Variants in NHSL1 observed in about 807,000 individuals in gnomAD.
The protein encoded by NHSL1 is NHS like 1.
Under a neutral mutation model 95.0 loss-of-function variants are expected in NHSL1, and 48 were observed. That is an observed-to-expected ratio of 0.51 (90% CI 0.40 to 0.64). NHSL1 has a LOEUF of 0.64. Ranked by LOEUF, NHSL1 falls within the 30% of genes least tolerant of loss-of-function variation. The pLI, the probability that NHSL1 is intolerant of heterozygous loss-of-function variation, is 0.00. For synonymous variants in NHSL1, 783 were observed against 833.9 expected (o/e 0.94, Z 1.05); for missense variants, 1,971 against 2,077.7 (o/e 0.95, Z 1.00).
At chr6:138,504,120 AGCTAC>A (rs1343501736), upstream of NHSL1, among the ~76,000 whole-genome samples, 1 of 152,152 alleles carries the variant, frequency 6.6e-6, no homozygotes, top group Non-Finnish European at 1.5e-5. Flanking sequence ...CTGTAGTCCT[AGCTAC>A]TCAGGAAGCT....
At chr6:138,574,675 A>C (rs1412425370), upstream of NHSL1, among the ~76,000 whole-genome samples, 2 of 140,662 alleles carry the variant, frequency 1.4e-5, no homozygotes, top group Non-Finnish European at 1.5e-5. Flanking sequence ...AATAATGCAA[A>C]AAAAAAAAAA....
chr6:138,591,087 T>C (rs12110831), intron 1 of NHSL1, among the ~76,000 whole-genome samples: 4,694 of 152,172 alleles, frequency 0.031, 220 homozygotes, highest in African/African-American at 0.1. Flanking sequence ...AGTGACTGTA[T>C]GGGGCAAGCA....
intron 7 of NHSL1, among the ~76,000 whole-genome samples, chr6:138,428,692 C>G (rs1223351138): frequency 6.6e-6 from 1 of 152,150 alleles, no homozygotes; most frequent in Non-Finnish European, 1.5e-5. Context: ...ATGCAATAGT[C>G]TTTTCAGGGA....
chr6:138,424,588 T>C lies in NHSL1; in HGVS notation c.4314A>G (p.Ala1438=). Residue 1438 remains alanine, a synonymous_variant, in exon 8 of 8, where the codon GCA becomes GCG. Coordinates refer to ENST00000343505, the MANE Select transcript of NHSL1 (RefSeq NM_001144060.2). This position sits in a 1 kb window ranked among gnomAD's most constrained non-coding sequence, Gnocchi z 5.9. ...SRSDTSARMS[A]AEMLKNTDPR... ...GGTCTGTGTTCTTGAGCATCTCTGC[T>C]GCAGACATGCGGGCGCTGGTGTCTG... The C allele has an allele frequency of 6.4e-7, 1 of 1,551,648 alleles. No homozygotes were observed. Among genetic ancestry groups the C allele is most frequent in the Non-Finnish European group, 8.7e-7 (1 of 1,146,962 alleles).
At chr6:138,667,807 T>G (rs1436342846) in intron 1 of NHSL1, among the ~76,000 whole-genome samples, 1 of 152,370 alleles carries the variant, frequency 6.6e-6, no homozygotes, top group Non-Finnish European at 1.5e-5. Flanking sequence ...GAATATCAAG[T>G]GAAGTGCTGA....
chr6:138,665,131 T>C (rs1464079334), intron 1 of NHSL1, among the ~76,000 whole-genome samples: 2 of 152,302 alleles, frequency 1.3e-5, no homozygotes, highest in East Asian at 3.9e-4. Context: ...CCATCTTCTC[T>C]TTTTTTACCC....
At chr6:138,677,476 T>G (rs1785462233) in intron 1 of NHSL1, among the ~76,000 whole-genome samples, 1 of 152,140 alleles carries the variant, frequency 6.6e-6, no homozygotes, top group Non-Finnish European at 1.5e-5. Flanking sequence ...AATCTTGAAA[T>G]AGTGAAGGCC....
chr6:138,475,852 A>G lies in NHSL1; in HGVS notation c.212-2419T>C, dbSNP rs534816023. Among the ~76,000 whole-genome samples, 3 of 152,124 alleles carry G rather than the reference A, an allele frequency of 2.0e-5. No homozygotes were observed. In the East Asian group the frequency reaches 5.8e-4, roughly 29 times the overall value. Reference sequence around the variant, plus strand: ...GTGTCACACGCCTGTAATCCCAGCTACTCCATAGGCTGAGGCAGGAGAATT... The same window carrying G: ...GTGTCACACGCCTGTAATCCCAGCTGCTCCATAGGCTGAGGCAGGAGAATT... On this transcript the variant is annotated intron_variant, in intron 2 of 7. Coordinates refer to ENST00000343505, the MANE Select transcript of NHSL1 (RefSeq NM_001144060.2).
intron 1 of NHSL1, among the ~76,000 whole-genome samples, chr6:138,535,990 A>G (rs1782325299): frequency 6.6e-6 from 1 of 152,148 alleles, no homozygotes; most frequent in Admixed American, 6.5e-5. Flanking sequence ...GTCAAGCAAG[A>G]GACAAAGGAG....
chr6:138,494,042 C>G (rs756897001), intron 2 of NHSL1, among the ~76,000 whole-genome samples: 20 of 152,172 alleles, frequency 1.3e-4, no homozygotes, highest in Non-Finnish European at 2.8e-4. Flanking sequence ...ATTAGATAAT[C>G]TAAGCATTAC....
chr6:138,566,468 G>A (rs532603255), intron 1 of NHSL1, among the ~76,000 whole-genome samples: 67 of 151,536 alleles, frequency 4.4e-4, no homozygotes, highest in Admixed American at 7.9e-4. Context: ...TTTCAAAGAA[G>A]GTTTCCATAA....
At chr6:138,507,155 C>A (rs1295876755) in intron 1 of NHSL1, among the ~76,000 whole-genome samples, 1 of 152,210 alleles carries the variant, frequency 6.6e-6, no homozygotes, top group African/African-American at 2.4e-5. Context: ...ACCGGCCAGG[C>A]ATCTCCCTAA....
At chr6:138,625,919 A>C (rs1784731820) in intron 1 of NHSL1, among the ~76,000 whole-genome samples, 1 of 152,356 alleles carries the variant, frequency 6.6e-6, no homozygotes, top group East Asian at 1.9e-4. Context: ...CTGGGAATAC[A>C]GGTGTGACCC....
At chr6:138,533,059 T>C (rs1782201168) in intron 1 of NHSL1, among the ~76,000 whole-genome samples, 1 of 152,144 alleles carries the variant, frequency 6.6e-6, no homozygotes, top group African/African-American at 2.4e-5. Context: ...GGGTCTTGAG[T>C]AATAATCAAC....
chr6:138,532,157 A>G (rs1456230299), intron 1 of NHSL1, among the ~76,000 whole-genome samples: 1 of 152,226 alleles, frequency 6.6e-6, no homozygotes, highest in Non-Finnish European at 1.5e-5. Flanking sequence ...CCCTCAAGGC[A>G]GAGGGTCCTG....
intron 1 of NHSL1, among the ~76,000 whole-genome samples, chr6:138,662,060 G>A (rs938526728): frequency 3.3e-5 from 5 of 151,762 alleles, no homozygotes; most frequent in African/African-American, 7.3e-5. Flanking sequence ...GACAACAGAC[G>A]GAGACCCATC....
At chr6:138,632,949 C>T (rs542674026) in intron 1 of NHSL1, among the ~76,000 whole-genome samples, 1 of 152,056 alleles carries the variant, frequency 6.6e-6, no homozygotes. Flanking sequence ...TAAGAAACCT[C>T]AAATTCAAGA....
intron 1 of NHSL1, among the ~76,000 whole-genome samples, chr6:138,635,037 G>A (rs914803120): frequency 2.7e-5 from 4 of 150,728 alleles, no homozygotes; most frequent in African/African-American, 9.8e-5. Context: ...AACAAAAGCA[G>A]TGCTAAGAGG....
chr6:138,538,675 A>G (rs1269305612), intron 1 of NHSL1, among the ~76,000 whole-genome samples: 1 of 152,200 alleles, frequency 6.6e-6, no homozygotes, highest in Admixed American at 6.5e-5. Flanking sequence ...GAAACAAAAT[A>G]ATGAAGAACA....
Sources: allele counts gnomAD v4.1 joint callset (sites outside exome capture counted in the v4.1 genomes callset), GRCh38; gene constraint gnomAD v4.1.1; non-coding constraint Gnocchi (gnomAD v3.1); transcripts MANE v1.5; gene names NCBI Gene and HGNC (gene_info 2026-07-23, HGNC 2026-07-21).